Variants in CHD7 observed in about 807,000 individuals in gnomAD.
The protein encoded by CHD7 is chromodomain helicase DNA binding protein 7, also known as ATP-dependent chromatin remodeler CHD7.
Under a neutral mutation model 307.3 loss-of-function variants are expected in CHD7, and 24 were observed. The observed-to-expected ratio is 0.08, with a 90% CI of 0.06 to 0.11. The LOEUF (loss-of-function observed/expected upper bound fraction) is 0.11. CHD7 is among the 10% of genes least tolerant of loss of function. CHD7 has a pLI of 1.00. For synonymous variants in CHD7, 1,363 were observed against 1,349.9 expected (o/e 1.01, Z -0.21); for missense variants, 3,106 against 3,727.1 (o/e 0.83, Z 4.34).
intron 1 of CHD7, among the ~76,000 whole-genome samples, chr8:60,713,160 T>A (rs1233793736): frequency 6.6e-6 from 1 of 151,900 alleles, no homozygotes; most frequent in African/African-American, 2.4e-5. Flanking sequence ...TCGCCCAGGC[T>A]GGACTCAGTG....
chr8:60,713,632 C>T (rs1275094798), intron 1 of CHD7, among the ~76,000 whole-genome samples: 1 of 152,160 alleles, frequency 6.6e-6, no homozygotes, highest in Non-Finnish European at 1.5e-5. Context: ...GCAACGTTCT[C>T]TCTAGGGTGT....
chr8:60,854,957 C>T (rs900114674), intron 32 of CHD7: 17 of 152,752 alleles, frequency 1.1e-4, no homozygotes, highest in African/African-American at 4.1e-4. Flanking sequence ...GACCCATTTG[C>T]TTTTGACGCA....
intron 19 of CHD7, among the ~76,000 whole-genome samples, chr8:60,839,966 A>C (rs1804896502): frequency 6.6e-6 from 1 of 152,180 alleles, no homozygotes; most frequent in Non-Finnish European, 1.5e-5. Context: ...ACAAAGATTT[A>C]TGTTTTCTAC....
chr8:60,723,425 G>T (rs1350886191), intron 1 of CHD7, among the ~76,000 whole-genome samples: 1 of 152,010 alleles, frequency 6.6e-6, no homozygotes, highest in African/African-American at 2.4e-5. Flanking sequence ...CCTCAGTTAT[G>T]CAATCTGCTT....
At chr8:60,736,879 C>T (rs572929786) in intron 1 of CHD7, among the ~76,000 whole-genome samples, 15 of 152,068 alleles carry the variant, frequency 9.9e-5, no homozygotes, top group Non-Finnish European at 1.6e-4. Flanking sequence ...AAAGGTTCTG[C>T]GTCACTACAA....
intron 11 of CHD7, 32 bp from the exon 12 acceptor site, chr8:60,822,471 T>C: frequency 6.2e-7 from 1 of 1,606,704 alleles, no homozygotes; most frequent in Non-Finnish European, 8.5e-7. Flanking sequence ...TCCATACTCA[T>C]TAAACTTTTG....
At chr8:60,791,982 C>A (rs532166616) in intron 3 of CHD7, among the ~76,000 whole-genome samples, 1 of 152,304 alleles carries the variant, frequency 6.6e-6, no homozygotes, top group South Asian at 2.1e-4. Flanking sequence ...GACTCAGCTG[C>A]TTGTTTTTCA....
In CHD7 at chr8:60,848,501, G is replaced by A. The variant is rs962464832; in HGVS notation, c.5211-14G>A. ...AAGTTAAGAACTTTTTCCCCCCTCT[G>A]TCTTCCTCTCCAGGGTCCTGCTGCG... On this transcript the variant is annotated splice_polypyrimidine_tract_variant and intron_variant, in intron 23 of 37. Transcript: ENST00000423902. 7 of 1,604,944 alleles carry A rather than the reference G, an allele frequency of 4.4e-6. No homozygotes were observed. The African/African-American group carries it at 8.0e-5, about 18-fold the overall frequency.
At chr8:60,760,352 T>C (rs1359209958) in intron 2 of CHD7, among the ~76,000 whole-genome samples, 2 of 150,146 alleles carry the variant, frequency 1.3e-5, no homozygotes, top group African/African-American at 4.9e-5. Flanking sequence ...TCAAGATGGA[T>C]TAAAGACTTA....
At chr8:60,814,973 T>A (rs1803657147) in intron 7 of CHD7, among the ~76,000 whole-genome samples, 1 of 152,194 alleles carries the variant, frequency 6.6e-6, no homozygotes. Flanking sequence ...CAAGTTCATG[T>A]TGGTGCTCAA....
Position 60,853,256 on chromosome 8 carries a change from G to C in CHD7, c.6531G>C (p.Glu2177Asp). 1 of 1,613,224 alleles carries C rather than the reference G, an allele frequency of 6.2e-7. No homozygotes were observed. Among genetic ancestry groups the C allele is most frequent in the South Asian group, 1.1e-5 (1 of 91,044 alleles). The change falls in exon 31 of 38, where the codon GAG becomes GAC. Residue 2177 changes from glutamate (E) to aspartate (D), a missense_variant. Glu to Asp is a conservative substitution (Grantham distance 45). Transcript: ENST00000423902. ...VLEQAEGKVE[E>D]PENPAAKEKC... The stretch of plus-strand genomic sequence containing the variant: ...AACAAGCCGAAGGCAAAGTGGAGGA[G>C]CCTGAAAACCCAGCTGCCAAGGAGA...
At chr8:60,848,928 C>T in intron 24 of CHD7, 123 bp from the exon 25 acceptor site, 2 of 807,144 alleles carry the variant, frequency 2.5e-6, no homozygotes, top group Admixed American at 2.0e-5. Flanking sequence ...TTTAACCTTG[C>T]TGATACCTCC....
chr8:60,816,588 A>G, intron 8 of CHD7, 87 bp downstream of exon 8: 1 of 767,712 alleles, frequency 1.3e-6, no homozygotes, highest in South Asian at 1.7e-5. Context: ...ATTAAGAAAA[A>G]CTAGTTAGTC....
chr8:60,786,900 G>T (rs990002897), intron 3 of CHD7, among the ~76,000 whole-genome samples: 1 of 152,176 alleles, frequency 6.6e-6, no homozygotes, highest in African/African-American at 2.4e-5. Flanking sequence ...TCGGGTGCTT[G>T]TGCAAAGCCA....
At chr8:60,837,328 C>T (rs1282864485) in intron 17 of CHD7, among the ~76,000 whole-genome samples, 1 of 152,170 alleles carries the variant, frequency 6.6e-6, no homozygotes, top group East Asian at 1.9e-4. Context: ...AATTGGGTGG[C>T]TTAAACAACA....
rs993236340 is a variant in CHD7 at position 60,867,299 on chromosome 8, ACAC to A, written c.*1367_*1369del. The A allele has an allele frequency of 3.9e-5, 6 of 152,220 alleles. No homozygotes were observed. Among genetic ancestry groups the A allele is most frequent in the Admixed American group, 3.9e-4 (6 of 15,276 alleles). 9.4% of individuals were successfully genotyped at this position (152,220 alleles called of 1,614,324 possible). A position where few individuals can be genotyped will look rare whatever the true frequency, so the allele number is the denominator to read the frequency against. The stretch of plus-strand genomic sequence containing the variant: ...TTATCCTTGGTTAATGGGTAGAAAA[ACAC>A]AATGCGGTAGTGTCAGCAAGGGACA... On this transcript the variant is annotated 3_prime_UTR_variant, in exon 38 of 38. Transcript: ENST00000423902.
In CHD7 at chr8:60,848,613, G is replaced by A. The variant is rs938226985; in HGVS notation, c.5300+9G>A. The A allele has an allele frequency of 4.4e-6, 7 of 1,605,564 alleles. No homozygotes were observed. Among genetic ancestry groups the A allele is most frequent in the South Asian group, 3.3e-5 (3 of 90,418 alleles). ...GAGGGTGCTGACTCAAGGTTAGTGC[G>A]AGCTCACATTTGTTCTCAACCTCAG... On this transcript the variant is annotated intron_variant, in intron 24 of 37. Transcript: ENST00000423902.
At chr8:60,778,517 T>C (rs1811058799) in intron 2 of CHD7, among the ~76,000 whole-genome samples, 1 of 152,246 alleles carries the variant, frequency 6.6e-6, no homozygotes, top group Admixed American at 6.5e-5. Context: ...ATGCTTTTTC[T>C]AATTCATTAC....
intron 1 of CHD7, among the ~76,000 whole-genome samples, chr8:60,682,416 G>T (rs1315946768): frequency 1.3e-5 from 2 of 152,122 alleles, no homozygotes; most frequent in Non-Finnish European, 2.9e-5. Context: ...CAAAATAACA[G>T]AAATATTTTG....
Sources: gnomAD v4.1 joint callset for allele counts (sites outside exome capture counted in the v4.1 genomes callset) on GRCh38, gnomAD v4.1.1 for gene constraint, MANE v1.5 for transcripts, NCBI Gene and HGNC (gene_info 2026-07-23, HGNC 2026-07-21) for gene names.